The following UHRF2 variants were observed in gnomAD, a reference collection of about 807,000 sequenced individuals.
UHRF2 encodes the protein ubiquitin like with PHD and ring finger domains 2, also known as E3 ubiquitin-protein ligase UHRF2.
UHRF2 carries 23 observed loss-of-function variants against 96.8 expected under a neutral mutation model. That is an observed-to-expected ratio of 0.24 (90% CI 0.17 to 0.34). UHRF2 has a LOEUF of 0.34. Ranked by LOEUF, UHRF2 falls within the 10% of genes least tolerant of loss-of-function variation. The pLI is 1.00. For synonymous variants in UHRF2, 385 were observed against 332.6 expected, an observed-to-expected ratio of 1.16 and a Z score of -1.72; for missense variants, 685 against 981.5, an observed-to-expected ratio of 0.70 and a Z score of 4.04.
In UHRF2 at chr9:6,421,108, C is replaced by A. The variant is rs747057715; in HGVS notation, c.350C>A (p.Ala117Asp). 1.3e-5 allele frequency: 21 copies of A among 1,614,008 alleles called. No homozygotes were observed. In the East Asian group the frequency reaches 4.5e-4, roughly 34 times the overall value. The change falls in exon 2 of 16, where the codon GCC (alanine) becomes GAC (aspartate). Residue 117 changes from alanine (A) to aspartate (D), a missense_variant. Physicochemically the swap from Ala to Asp is moderately radical, Grantham distance 126. Transcript: ENST00000276893. ...PSNQPSTSAR[A>D]RLIDPGFGIY... ...AATCAGCCATCTACATCAGCTCGTG[C>A]CCGTCTTATTGATCCTGGCTTTGGA...
chr9:6,487,608 C>A (rs1279528757), intron 9 of UHRF2, among the ~76,000 whole-genome samples: 1 of 152,208 alleles, frequency 6.6e-6, no homozygotes, highest in Admixed American at 6.5e-5. Context: ...CTCAGGTGAT[C>A]CTCCCGCCTT....
intron 4 of UHRF2, 75 bp downstream of exon 4, chr9:6,460,866 G>C (rs1447269123): frequency 8.5e-7 from 1 of 1,182,960 alleles, no homozygotes; most frequent in African/African-American, 1.5e-5. Context: ...TTAAGCACGT[G>C]TACCTTAGTA....
chr9:6,442,330 T>C (rs939373641), intron 3 of UHRF2, among the ~76,000 whole-genome samples: 3 of 152,212 alleles, frequency 2.0e-5, no homozygotes, highest in African/African-American at 7.2e-5. Flanking sequence ...TCTTCCCTGA[T>C]TGTAAAATGC....
chr9:6,427,724 A>G (rs1000217461), intron 2 of UHRF2, among the ~76,000 whole-genome samples: 2 of 152,132 alleles, frequency 1.3e-5, no homozygotes, highest in Non-Finnish European at 2.9e-5. Flanking sequence ...TTATTGCTCA[A>G]TATCATTATT....
intron 3 of UHRF2, among the ~76,000 whole-genome samples, chr9:6,454,174 A>T (rs1822049526): frequency 6.6e-6 from 1 of 152,220 alleles, no homozygotes; most frequent in Non-Finnish European, 1.5e-5. Context: ...TCCCAAGTAT[A>T]CACAGTGGCC....
chr9:6,430,834 T>C (rs1316501522), intron 2 of UHRF2, among the ~76,000 whole-genome samples: 1 of 152,214 alleles, frequency 6.6e-6, no homozygotes, highest in Admixed American at 6.5e-5. Context: ...CTTTCCTGTA[T>C]TTCCCCTTCT....
intron 3 of UHRF2, among the ~76,000 whole-genome samples, chr9:6,455,463 T>C (rs1365958978): frequency 1.3e-5 from 2 of 152,108 alleles, no homozygotes; most frequent in African/African-American, 2.4e-5. Context: ...ACAAAGGACA[T>C]GCACTTATCC....
At chr9:6,485,444 A>AC (rs1824208494) in intron 8 of UHRF2, among the ~76,000 whole-genome samples, 1 of 151,872 alleles carries the variant, frequency 6.6e-6, no homozygotes, top group East Asian at 1.9e-4. Context: ...TGCTATTTAG[A>AC]AAGTGGGGAA....
rs1825009622 is a variant in UHRF2 at position 6,496,931 on chromosome 9, A to G, written c.1605-267A>G. ...CATGTATTTCTAGTTGTTTTCTATT[A>G]TACGTGGCACAGATGTTATTACTTT... On this transcript the variant is annotated intron_variant, in intron 10 of 15. Coordinates refer to ENST00000276893, the MANE Select transcript of UHRF2 (RefSeq NM_152896.3). 9.7e-6 allele frequency: 3 copies of G among 310,622 alleles called. No individual in the cohort carries two copies. In the East Asian group the frequency reaches 1.5e-4, roughly 16 times the overall value. 19.2% of individuals were successfully genotyped at this position (310,622 alleles called of 1,614,324 possible).
chr9:6,475,490 A>C lies in UHRF2; in HGVS notation c.963A>C (p.Gly321=). Residue 321 remains glycine, a synonymous_variant, in exon 5 of 16, where the codon GGA becomes GGC. Coordinates refer to ENST00000276893, the MANE Select transcript of UHRF2 (RefSeq NM_152896.3). Reference sequence around the variant, plus strand: ...CCCATCCCCTTTCATTTGCAGATGGAAAGTTTTTAAGTATGGATTTTTGTT... The same window carrying C: ...CCCATCCCCTTTCATTTGCAGATGGCAAGTTTTTAAGTATGGATTTTTGTT... ...PGAHPLSFAD[G]KFLRRNDPEC... is the part of the protein sequence containing the mutation. The C allele has an allele frequency of 6.3e-7, 1 of 1,586,362 alleles. No individual in the cohort carries two copies. The highest frequency in any genetic ancestry group is 1.2e-5 in the South Asian group (1 of 85,490).
At chr9:6,448,143 A>G (rs1266376644) in intron 3 of UHRF2, among the ~76,000 whole-genome samples, 1 of 152,168 alleles carries the variant, frequency 6.6e-6, no homozygotes, top group East Asian at 1.9e-4. Flanking sequence ...AATTTGACAG[A>G]GGCTCTAGAA....
rs374764649 is a variant in UHRF2, at chr9:6,413,712, G to C, written c.153+69G>C. 1.6e-5 allele frequency: 22 copies of C among 1,399,450 alleles called. No homozygotes were observed. The East Asian group carries it at 2.1e-4, about 13-fold the overall frequency. 86.7% of individuals were successfully genotyped at this position (1,399,450 alleles called of 1,614,324 possible). On this transcript the variant is annotated intron_variant, in intron 1 of 15. Transcript: ENST00000276893. ...ACAGCTGGGCTCCTCTGGACGCACCGGTCCGAGGGCTCTGTGCGCCGCGCG... is the reference window on the plus strand; with the variant it reads ...ACAGCTGGGCTCCTCTGGACGCACCCGTCCGAGGGCTCTGTGCGCCGCGCG...
At chr9:6,431,322 T>C (rs989538746) in intron 2 of UHRF2, among the ~76,000 whole-genome samples, 3 of 152,146 alleles carry the variant, frequency 2.0e-5, no homozygotes, top group Non-Finnish European at 4.4e-5. Flanking sequence ...TAATCCTTTT[T>C]TTTGGCCAGG....
At chr9:6,455,341 A>G (rs975137184) in intron 3 of UHRF2, among the ~76,000 whole-genome samples, 1 of 151,870 alleles carries the variant, frequency 6.6e-6, no homozygotes, top group South Asian at 2.1e-4. Flanking sequence ...TCCTGTGTCC[A>G]AGTGTTGTCA....
At chr9:6,481,918 C>G (rs747365028) in intron 7 of UHRF2, 74 bp from the exon 8 acceptor site, 1 of 1,561,960 alleles carries the variant, frequency 6.4e-7, no homozygotes, top group Admixed American at 1.8e-5. Flanking sequence ...GGTTCCTAGT[C>G]ACATCTCAGA....
chr9:6,487,182 C>CTTTTTTTTTTTTTTT (rs1171978950), intron 9 of UHRF2, among the ~76,000 whole-genome samples: 50 of 69,586 alleles, frequency 7.2e-4, no homozygotes, highest in African/African-American at 1.7e-3. Flanking sequence ...TTTTTTTTTC[C>CTTTTTTTTTTTTTTT]TTTTTTTTTT....
intron 10 of UHRF2, 37 bp downstream of exon 10, chr9:6,493,969 A>C (rs1386391536): frequency 1.9e-6 from 3 of 1,579,148 alleles, no homozygotes. Context: ...TTGAACATTG[A>C]ATAAAAGTTT....
rs1563772185 is a variant in UHRF2, at chr9:6,458,016, C to A, written c.645-2557C>A. Among the ~76,000 whole-genome samples the A allele has an allele frequency of 5.9e-5, 9 of 152,184 alleles. No homozygotes were observed. In the South Asian group the frequency reaches 1.9e-3, roughly 32 times the overall value. ...GGTTTTGGTATCAGGATGATGTTGG[C>A]CTCATAAAATGAGTTAGGGAGGAGT... On this transcript the variant is annotated intron_variant, in intron 3 of 15. Coordinates refer to ENST00000276893, the MANE Select transcript of UHRF2 (RefSeq NM_152896.3).
At chr9:6,455,756 G>A (rs952733812) in intron 3 of UHRF2, among the ~76,000 whole-genome samples, 1 of 149,652 alleles carries the variant, frequency 6.7e-6, no homozygotes, top group Non-Finnish European at 1.5e-5. Context: ...AGGCCAAGAT[G>A]GGAGAATTGC....
Sources: gnomAD v4.1 joint callset for allele counts (sites outside exome capture counted in the v4.1 genomes callset) on GRCh38, gnomAD v4.1.1 for gene constraint, MANE v1.5 for transcripts, NCBI Gene and HGNC (gene_info 2026-07-23, HGNC 2026-07-21) for gene names.